The following SVIL variants were observed in gnomAD, a reference collection of about 807,000 sequenced individuals.
SVIL encodes the protein supervillin, also known as archvillin.
In SVIL, 101 loss-of-function variants were observed where a neutral mutation model predicts 240.4. The observed-to-expected ratio is 0.42, with a 90% CI of 0.36 to 0.50. The LOEUF (loss-of-function observed/expected upper bound fraction) is 0.50, where lower values mean the gene tolerates loss of function less well. Among genes scored for constraint, SVIL ranks in the 20% least tolerant of loss-of-function variants. The probability of loss-of-function intolerance (pLI) is 0.01; values close to 1 mark genes in which losing one functional copy is unlikely to be tolerated. For synonymous variants in SVIL, 999 were observed against 1,100.0 expected (o/e 0.91, Z 1.82); for missense variants, 2,512 against 2,818.7 (o/e 0.89, Z 2.46).
chr10:29,527,176 C>T lies in SVIL; in HGVS notation c.2247-120G>A, dbSNP rs139530926. The T allele has an allele frequency of 4.2e-6, 4 of 958,204 alleles. No homozygotes were observed. In the African/African-American group the frequency reaches 5.0e-5, roughly 12 times the overall value. 59.4% of individuals were successfully genotyped at this position (958,204 alleles called of 1,614,324 possible). A position where few individuals can be genotyped will look rare whatever the true frequency, so the allele number is the denominator to read the frequency against. The stretch of plus-strand genomic sequence containing the variant: ...TCAAAAATTTTAACAGAATATTTTG[C>T]TAATTATTTTTGGGGAGAAAAAATC... On this transcript the variant is annotated intron_variant, in intron 12 of 37. Coordinates refer to ENST00000355867, the MANE Select transcript of SVIL (RefSeq NM_021738.3).
intron 6 of SVIL, among the ~76,000 whole-genome samples, chr10:29,543,160 C>T (rs1249525123): frequency 6.6e-6 from 1 of 152,146 alleles, no homozygotes; most frequent in Non-Finnish European, 1.5e-5. Flanking sequence ...AGGACAGCAC[C>T]AAGGTCTGAT....
chr10:29,488,679 G>A lies in SVIL; in HGVS notation c.4270C>T (p.Arg1424Trp), dbSNP rs1400683750. 8.1e-6 allele frequency: 13 copies of A among 1,612,664 alleles called. No individual in the cohort carries two copies. The highest frequency in any genetic ancestry group is 2.2e-5 in the South Asian group (2 of 90,624). Residue 1424 changes from arginine (R) to tryptophan (W), a missense_variant, in exon 23 of 38, where the codon CGG becomes TGG. This residue lies in a region of SVIL where 272 missense variants were observed against 406.8 expected (regional missense o/e 0.67). Coordinates refer to ENST00000355867, the MANE Select transcript of SVIL (RefSeq NM_021738.3). ...SKENFSNVSL[R>W]SVNLTEQNSN... The stretch of plus-strand genomic sequence containing the variant: ...TTCTGTTCCGTCAGGTTGACGCTCC[G>A]CAGGCTGACGTTGCTGAAGTTTTCT...
In SVIL at chr10:29,500,348, C is replaced by T. The variant is rs555503135; in HGVS notation, c.3517-1085G>A. Among the ~76,000 whole-genome samples the T allele has an allele frequency of 1.6e-3, 250 of 152,032 alleles. 3 individuals are homozygous for T. Among genetic ancestry groups the T allele is most frequent in the Admixed American group, 0.015 (224 of 15,268 alleles). On this transcript the variant is annotated intron_variant, in intron 17 of 37. Coordinates refer to ENST00000355867, the MANE Select transcript of SVIL (RefSeq NM_021738.3). Reference sequence around the variant, plus strand: ...GCGAGGCACTGGGCTGGGTGGGGAGCGGGGGAGAAGCACAGGAGGTGTGGA... The same window carrying T: ...GCGAGGCACTGGGCTGGGTGGGGAGTGGGGGAGAAGCACAGGAGGTGTGGA...
chr10:29,498,944 G>A (rs528588227), intron 18 of SVIL, among the ~76,000 whole-genome samples, 172 bp downstream of exon 18: 1 of 152,344 alleles, frequency 6.6e-6, no homozygotes, highest in South Asian at 2.1e-4. Context: ...CTGAGCCACT[G>A]CACCCCAGCC....
chr10:29,645,444 C>T (rs1958624168), intron 3 of SVIL, among the ~76,000 whole-genome samples: 1 of 152,066 alleles, frequency 6.6e-6, no homozygotes. Flanking sequence ...GTGGCGGGCT[C>T]TTGTAGTCCA....
intron 6 of SVIL, among the ~76,000 whole-genome samples, chr10:29,544,754 T>TA (rs373279682): frequency 0.034 from 2,371 of 70,184 alleles, 49 homozygotes; most frequent in Non-Finnish European, 0.041. Context: ...AGACCTTTTC[T>TA]AAAAAAAAAA....
chr10:29,640,037 C>T (rs902261747), intron 3 of SVIL, among the ~76,000 whole-genome samples: 3 of 152,142 alleles, frequency 2.0e-5, no homozygotes, highest in Admixed American at 6.5e-5. Flanking sequence ...TATGCTCCAG[C>T]GACTCATCTT....
chr10:29,521,613 A>G (rs182477348), intron 16 of SVIL, among the ~76,000 whole-genome samples: 5 of 152,338 alleles, frequency 3.3e-5, no homozygotes, highest in Admixed American at 1.3e-4. Context: ...ACCTCAGTAC[A>G]ATACGTTTTT....
chr10:29,635,318 C>A (rs1022365614), upstream of SVIL, among the ~76,000 whole-genome samples: 9 of 152,122 alleles, frequency 5.9e-5, no homozygotes, highest in African/African-American at 2.2e-4. Context: ...GACATATATA[C>A]AATGAATGCC....
At chr10:29,677,960 A>AGG (rs1185068140) in intron 2 of SVIL, among the ~76,000 whole-genome samples, 1 of 152,214 alleles carries the variant, frequency 6.6e-6, no homozygotes, top group African/African-American at 2.4e-5. Context: ...TCTAAGGTGC[A>AGG]GAAACATTTG....
chr10:29,567,995 T>C (rs71489681), intron 2 of SVIL, among the ~76,000 whole-genome samples: 9,878 of 142,806 alleles, frequency 0.069, 387 homozygotes, highest in Admixed American at 0.13. Context: ...CCAGCCTGGG[T>C]GACAGAGAGA....
chr10:29,589,213 G>A (rs753272202), intron 1 of SVIL, among the ~76,000 whole-genome samples: 1 of 152,166 alleles, frequency 6.6e-6, no homozygotes, highest in African/African-American at 2.4e-5. Context: ...GTTGGGAAAC[G>A]GAGTTTTAAG....
At chr10:29,513,846 G>C (rs1950024676) in intron 16 of SVIL, among the ~76,000 whole-genome samples, 1 of 152,174 alleles carries the variant, frequency 6.6e-6, no homozygotes, top group African/African-American at 2.4e-5. Flanking sequence ...GATGTGACTT[G>C]ATAGGCAGTG....
intron 1 of SVIL, among the ~76,000 whole-genome samples, chr10:29,616,802 A>T (rs1249501204): frequency 6.6e-6 from 1 of 152,176 alleles, no homozygotes; most frequent in East Asian, 1.9e-4. Flanking sequence ...TGCTCACTGC[A>T]ACCTCTGCCT....
chr10:29,703,070 G>A (rs530450935), intron 1 of SVIL, among the ~76,000 whole-genome samples: 18 of 152,300 alleles, frequency 1.2e-4, no homozygotes, highest in African/African-American at 1.4e-4. Flanking sequence ...CCATGTAAGC[G>A]AGGGTGCAAT....
chr10:29,491,752 C>A (rs1200536374), intron 21 of SVIL, among the ~76,000 whole-genome samples: 1 of 152,152 alleles, frequency 6.6e-6, no homozygotes, highest in Non-Finnish European at 1.5e-5. Context: ...CAAAAGGCGT[C>A]TTTACGTACC....
intron 1 of SVIL, among the ~76,000 whole-genome samples, chr10:29,626,607 A>G (rs1182560807): frequency 6.6e-6 from 1 of 152,204 alleles, no homozygotes; most frequent in Non-Finnish European, 1.5e-5. Context: ...ACATCAGGAG[A>G]AAAAACAAAT....
intron 12 of SVIL, among the ~76,000 whole-genome samples, chr10:29,527,595 T>G (rs975669133): frequency 2.7e-5 from 4 of 146,246 alleles, no homozygotes; most frequent in Middle Eastern, 3.9e-3. Context: ...CCCAGTTAAT[T>G]TTTGTATTTT....
chr10:29,647,812 C>T (rs1387597894), intron 3 of SVIL, among the ~76,000 whole-genome samples: 1 of 152,060 alleles, frequency 6.6e-6, no homozygotes, highest in Non-Finnish European at 1.5e-5. Context: ...GAGATTCCTT[C>T]AGTGTTTTTA....
Sources: allele counts gnomAD v4.1 joint callset (sites outside exome capture counted in the v4.1 genomes callset), GRCh38; gene constraint gnomAD v4.1.1; regional missense constraint gnomAD v4.1.1; transcripts MANE v1.5; gene names NCBI Gene and HGNC (gene_info 2026-07-23, HGNC 2026-07-21).